The following DLG2 variants were observed in gnomAD, a reference collection of about 807,000 sequenced individuals.
DLG2 encodes disks large homolog 2.
A neutral mutation model predicts 132.5 loss-of-function variants in DLG2; 45 were observed. That is an observed-to-expected ratio of 0.34 (90% confidence interval 0.27 to 0.44). The LOEUF (loss-of-function observed/expected upper bound fraction) is 0.44. DLG2 is among the 20% of genes least tolerant of loss of function. The probability of loss-of-function intolerance (pLI) is 1.00; values close to 1 mark genes in which losing one functional copy is unlikely to be tolerated. For synonymous variants in DLG2, 424 were observed against 419.6 expected (o/e 1.01, Z -0.13); for missense variants, 1,045 against 1,196.9 (o/e 0.87, Z 1.87).
At chr11:84,446,197 A>C (rs924636613) in intron 7 of DLG2, among the ~76,000 whole-genome samples, 2 of 151,886 alleles carry the variant, frequency 1.3e-5, no homozygotes, top group African/African-American at 2.4e-5. Flanking sequence ...ATTTTTAATC[A>C]ATTGTTTATA....
intron 7 of DLG2, among the ~76,000 whole-genome samples, chr11:84,527,938 T>TCTCTAA: frequency 6.7e-6 from 1 of 149,352 alleles, no homozygotes; most frequent in Admixed American, 6.7e-5. Context: ...TCTCTCTCGC[T>TCTCTAA]AATAAATACT....
chr11:85,623,950 G>A (rs536656856), intron 2 of DLG2, among the ~76,000 whole-genome samples: 1 of 152,186 alleles, frequency 6.6e-6, no homozygotes, highest in Admixed American at 6.5e-5. Flanking sequence ...TCCTGAATTG[G>A]TCCTAAATTT....
At chr11:84,050,833 T>C (rs567597956) in intron 11 of DLG2, among the ~76,000 whole-genome samples, 81 of 152,064 alleles carry the variant, frequency 5.3e-4, no homozygotes, top group Non-Finnish European at 2.4e-4. Context: ...GTTGTAGATA[T>C]GTGGCATTAT....
At chr11:84,555,919 C>G (rs1452808949) in intron 6 of DLG2, among the ~76,000 whole-genome samples, 1 of 152,174 alleles carries the variant, frequency 6.6e-6, no homozygotes, top group Non-Finnish European at 1.5e-5. Context: ...ATTTAGAGAA[C>G]CTGTGCTGGT....
At chr11:84,331,094 C>A (rs1426828164) in intron 7 of DLG2, among the ~76,000 whole-genome samples, 1 of 152,072 alleles carries the variant, frequency 6.6e-6, no homozygotes, top group Non-Finnish European at 1.5e-5. Context: ...TCATACAAGT[C>A]CAGAAGCATC....
At chr11:83,601,551 G>A (rs1416660494) in intron 19 of DLG2, among the ~76,000 whole-genome samples, 4 of 111,468 alleles carry the variant, frequency 3.6e-5, no homozygotes, top group African/African-American at 7.0e-5. Flanking sequence ...TCACTCTGTC[G>A]CCCAAGCTGG....
At chr11:84,657,327 T>C (rs1386212977) in intron 6 of DLG2, among the ~76,000 whole-genome samples, 1 of 152,130 alleles carries the variant, frequency 6.6e-6, no homozygotes, top group African/African-American at 2.4e-5. Flanking sequence ...TTTGATGGAA[T>C]GACTACAGAC....
At chr11:84,187,793 A>G (rs2096309192) in intron 8 of DLG2, among the ~76,000 whole-genome samples, 1 of 152,112 alleles carries the variant, frequency 6.6e-6, no homozygotes, top group Non-Finnish European at 1.5e-5. Context: ...ATGTAAAACC[A>G]TTAATCAATA....
chr11:84,214,812 G>A (rs1447979917), intron 8 of DLG2, among the ~76,000 whole-genome samples: 1 of 152,160 alleles, frequency 6.6e-6, no homozygotes, highest in Non-Finnish European at 1.5e-5. Flanking sequence ...AATTTTAAGA[G>A]TAGTTATCTT....
At chr11:84,257,721 T>C (rs1484189293) in intron 7 of DLG2, among the ~76,000 whole-genome samples, 2 of 147,106 alleles carry the variant, frequency 1.4e-5, no homozygotes, top group African/African-American at 5.0e-5. Flanking sequence ...GGATCTTACC[T>C]TGTCATGCAG....
chr11:83,913,236 G>A lies in DLG2; in HGVS notation c.1496+17092C>T, dbSNP rs1057060017. ...TCTGCTATGGTCTCTGTTAGATTGG[G>A]AGTCTCTTCAGGAAAGAGCTAAGTC... On this transcript the variant is annotated intron_variant, in intron 15 of 27. Transcript: ENST00000376104. Among the ~76,000 whole-genome samples, 140 of 152,166 alleles carry A rather than the reference G, an allele frequency of 9.2e-4. 1 individual carries two copies. Among genetic ancestry groups the A allele is most frequent in the African/African-American group, 3.1e-3 (128 of 41,518 alleles).
intron 6 of DLG2, among the ~76,000 whole-genome samples, chr11:84,790,839 G>T (rs1366224295): frequency 2.0e-5 from 3 of 152,194 alleles, no homozygotes; most frequent in Non-Finnish European, 4.4e-5. Context: ...TCATTGAAAA[G>T]ACTGTCCTTC....
At chr11:84,266,888 A>T (rs2097645553) in intron 7 of DLG2, among the ~76,000 whole-genome samples, 1 of 152,240 alleles carries the variant, frequency 6.6e-6, no homozygotes, top group Non-Finnish European at 1.5e-5. Flanking sequence ...TACTTAGGAA[A>T]CATAATATTT....
At chr11:84,417,589 A>G (rs1324563007) in intron 7 of DLG2, among the ~76,000 whole-genome samples, 1 of 152,110 alleles carries the variant, frequency 6.6e-6, no homozygotes, top group African/African-American at 2.4e-5. Flanking sequence ...GTCTACAGCC[A>G]TTTGCTAGGG....
chr11:84,998,067 G>T (rs536259318), intron 6 of DLG2, among the ~76,000 whole-genome samples: 4 of 151,572 alleles, frequency 2.6e-5, no homozygotes, highest in Non-Finnish European at 4.4e-5. Context: ...CTTTTTCTTC[G>T]CATATGGTAC....
chr11:85,365,316 A>G (rs2084458013), intron 3 of DLG2, among the ~76,000 whole-genome samples: 1 of 152,182 alleles, frequency 6.6e-6, no homozygotes, highest in Admixed American at 6.5e-5. Flanking sequence ...TATATAATTT[A>G]TGAGTCTGAT....
intron 16 of DLG2, among the ~76,000 whole-genome samples, chr11:83,856,703 T>C (rs892972417): frequency 3.3e-5 from 5 of 152,176 alleles, no homozygotes; most frequent in African/African-American, 1.2e-4. Context: ...GTACATTCCT[T>C]TAAGTTTCTT....
chr11:84,500,544 T>G (rs912956881), intron 7 of DLG2, among the ~76,000 whole-genome samples: 1 of 152,206 alleles, frequency 6.6e-6, no homozygotes, highest in Non-Finnish European at 1.5e-5. Context: ...CATTTTCTCA[T>G]CCTTGCATTC....
At chr11:84,693,901 C>T (rs11234132) in intron 6 of DLG2, among the ~76,000 whole-genome samples, 1 of 151,654 alleles carries the variant, frequency 6.6e-6, no homozygotes, top group African/African-American at 2.4e-5. Context: ...GTCTTTTTCT[C>T]TAAGACATTC....
Sources: allele counts gnomAD v4.1 joint callset (sites outside exome capture counted in the v4.1 genomes callset), GRCh38; gene constraint gnomAD v4.1.1; transcripts MANE v1.5; gene names NCBI Gene and HGNC (gene_info 2026-07-23, HGNC 2026-07-21).